The following HERC3 variants were observed in gnomAD, a reference collection of about 807,000 sequenced individuals.
HERC3 encodes HECT and RLD domain containing E3 ubiquitin protein ligase 3.
A neutral mutation model predicts 129.9 loss-of-function variants in HERC3; 58 were observed. The observed-to-expected ratio is 0.45, with a 90% CI of 0.36 to 0.56. The LOEUF is 0.56. Among genes scored for constraint, HERC3 ranks in the 20% least tolerant of loss-of-function variants. HERC3 has a pLI of 0.00. For missense variants in HERC3, 835 were observed against 1,244.2 expected, an observed-to-expected ratio of 0.67 and a Z score of 4.95; for synonymous variants, 430 against 451.0, an observed-to-expected ratio of 0.95 and a Z score of 0.59.
At chr4:88,631,520 G>T (rs938513144) in intron 3 of HERC3, among the ~76,000 whole-genome samples, 1 of 152,112 alleles carries the variant, frequency 6.6e-6, no homozygotes, top group African/African-American at 2.4e-5. Flanking sequence ...CTGATTCTTT[G>T]GTTGAAAAGA....
chr4:88,537,146 A>C, the HERC3 span, among the ~76,000 whole-genome samples: 4 of 152,182 alleles, frequency 2.6e-5, no homozygotes, highest in Admixed American at 6.5e-5. Context: ...ATATTTATAC[A>C]ATATTACTGT....
chr4:88,562,747 A>T, the HERC3 span, among the ~76,000 whole-genome samples: 3 of 152,146 alleles, frequency 2.0e-5, no homozygotes, highest in South Asian at 6.2e-4. Context: ...AGCACCATTT[A>T]TGAAGGGACT....
chr4:88,653,983 G>T (rs1383998235), intron 6 of HERC3, 59 bp from the exon 7 acceptor site: 3 of 1,222,998 alleles, frequency 2.5e-6, no homozygotes, highest in Non-Finnish European at 3.6e-6. Context: ...CAAGATAGTT[G>T]TGTATATTTC....
intron 3 of HERC3, among the ~76,000 whole-genome samples, chr4:88,622,787 G>A (rs1017807089): frequency 6.6e-6 from 1 of 152,038 alleles, no homozygotes; most frequent in African/African-American, 2.4e-5. Context: ...AAATTAGCTG[G>A]GTGTGGTGGT....
chr4:88,683,671 A>G (rs990424413), intron 21 of HERC3, among the ~76,000 whole-genome samples: 1 of 152,266 alleles, frequency 6.6e-6, no homozygotes, highest in Non-Finnish European at 1.5e-5. Context: ...AGAGCTAGTT[A>G]TAAGAATGTA....
intron 10 of HERC3, among the ~76,000 whole-genome samples, chr4:88,659,561 T>A (rs1467462087): frequency 6.6e-6 from 1 of 152,176 alleles, no homozygotes; most frequent in East Asian, 1.9e-4. Context: ...CTGGCGTGAT[T>A]TGGAACTGCT....
Position 88,708,453 on chromosome 4 carries a change from ATATATACAGT to A in HERC3, c.*1499_*1508del, listed in dbSNP as rs1383784778. The A allele has an allele frequency of 1.3e-5, 2 of 152,644 alleles. No homozygotes were observed. The highest frequency in any genetic ancestry group is 2.9e-5 in the Non-Finnish European group (2 of 68,046). 9.5% of individuals were successfully genotyped at this position (152,644 alleles called of 1,614,324 possible). ...TCTTTATAAATACAGGATTAAAAAT[ATATATACAGT>A]TATATGAAATGTTTATTTTCTATGT... On this transcript the variant is annotated 3_prime_UTR_variant, in exon 26 of 26. Transcript: ENST00000402738.
At chr4:88,534,499 A>G in the HERC3 span, among the ~76,000 whole-genome samples, 26 of 151,524 alleles carry the variant, frequency 1.7e-4, no homozygotes, top group African/African-American at 5.8e-4. Flanking sequence ...TTTTTTTCCT[A>G]GAAAAAAACT....
chr4:88,599,194 A>G (rs1429799128), intron 2 of HERC3, among the ~76,000 whole-genome samples: 1 of 152,200 alleles, frequency 6.6e-6, no homozygotes, highest in African/African-American at 2.4e-5. Context: ...CTTTGAAGTG[A>G]AAGCTGTGCT....
intron 3 of HERC3, among the ~76,000 whole-genome samples, chr4:88,646,569 G>T (rs916528932): frequency 6.6e-6 from 1 of 152,198 alleles, no homozygotes; most frequent in Non-Finnish European, 1.5e-5. Context: ...TGTGGGTTGA[G>T]GTTCCATCAT....
At chr4:88,527,767 A>G in the HERC3 span, 1 of 318,750 alleles carries the variant, frequency 3.1e-6, no homozygotes, top group Non-Finnish European at 6.1e-6. Context: ...GTCCTTGTTC[A>G]TTCTGCTGCC....
chr4:88,588,520 T>C (rs1276211941), upstream of HERC3, among the ~76,000 whole-genome samples: 3 of 152,250 alleles, frequency 2.0e-5, no homozygotes, highest in African/African-American at 4.8e-5. Flanking sequence ...ACATACTTTT[T>C]ACTTGTCAAA....
intron 23 of HERC3, among the ~76,000 whole-genome samples, chr4:88,701,748 A>G (rs1380184546): frequency 6.6e-6 from 1 of 151,580 alleles, no homozygotes; most frequent in East Asian, 1.9e-4. Context: ...TATGAATTTG[A>G]TATGTTTTTT....
At chr4:88,539,412 G>T in the HERC3 span, among the ~76,000 whole-genome samples, 1 of 152,194 alleles carries the variant, frequency 6.6e-6, no homozygotes, top group Non-Finnish European at 1.5e-5. Context: ...AAACAAAGCA[G>T]CCAGGAAGCT....
Position 88,627,748 on chromosome 4 carries a change from CA to C in HERC3, c.226+21705del, listed in dbSNP as rs572587150. 7.2e-3 allele frequency among the ~76,000 whole-genome samples: 1,062 copies of C among 147,604 alleles called. 18 individuals are homozygous for C. Among genetic ancestry groups the C allele is most frequent in the African/African-American group, 0.024 (1,001 of 40,916 alleles). On this transcript the variant is annotated intron_variant, in intron 3 of 25. Transcript: ENST00000402738. ...TGAAACCCTGTTTCTACTAAAAATA[CA>C]AAAAAGTAGGCAGGTATGGTGGTGC...
At chr4:88,682,795 G>T (rs1732947291) in intron 21 of HERC3, among the ~76,000 whole-genome samples, 1 of 152,034 alleles carries the variant, frequency 6.6e-6, no homozygotes, top group South Asian at 2.1e-4. Flanking sequence ...GTGTGCATGT[G>T]TCTTTATAGC....
At chr4:88,670,854 G>A (rs939325148) in intron 16 of HERC3, among the ~76,000 whole-genome samples, 1 of 152,040 alleles carries the variant, frequency 6.6e-6, no homozygotes. Flanking sequence ...CTCTTTAGAT[G>A]AGGCTTATGT....
intron 23 of HERC3, among the ~76,000 whole-genome samples, chr4:88,691,153 A>G (rs1170612179): frequency 6.6e-6 from 1 of 152,242 alleles, no homozygotes; most frequent in East Asian, 1.9e-4. Context: ...GTCGTTTCAG[A>G]CAGAAATTTT....
intron 21 of HERC3, among the ~76,000 whole-genome samples, chr4:88,682,618 C>T (rs868248182): frequency 9.9e-5 from 15 of 152,130 alleles, no homozygotes; most frequent in South Asian, 2.1e-4. Context: ...TGATGGTTTC[C>T]GGCTTCATCC....
Sources: allele counts gnomAD v4.1 joint callset (sites outside exome capture counted in the v4.1 genomes callset), GRCh38; gene constraint gnomAD v4.1.1; transcripts MANE v1.5; gene names NCBI Gene and HGNC (gene_info 2026-07-23, HGNC 2026-07-21).